ZNF513: variants seen among roughly 807,000 people sequenced by gnomAD.
The protein encoded by ZNF513 is zinc finger protein 513.
Under a neutral mutation model 39.7 loss-of-function variants are expected in ZNF513, and 16 were observed. The observed-to-expected ratio is 0.40, with a 90% CI of 0.27 to 0.61. The LOEUF (loss-of-function observed/expected upper bound fraction) is 0.61, where lower values mean the gene tolerates loss of function less well. Ranked by LOEUF, ZNF513 falls within the 20% of genes least tolerant of loss-of-function variation. The pLI, the probability that ZNF513 is intolerant of heterozygous loss-of-function variation, is 0.39. For synonymous variants in ZNF513, 348 were observed against 296.5 expected, an observed-to-expected ratio of 1.17 and a Z score of -1.79; for missense variants, 699 against 743.6, an observed-to-expected ratio of 0.94 and a Z score of 0.70.
At position 27,378,719 on chromosome 2, in the gene ZNF513, A is replaced by G. The variant is rs794727529; in HGVS notation, c.547T>C (p.Cys183Arg). The G allele has an allele frequency of 6.2e-7, 1 of 1,613,978 alleles. No homozygotes were observed. Among genetic ancestry groups the G allele is most frequent in the African/African-American group, 1.3e-5 (1 of 75,046 alleles). The part of the protein sequence containing the change: ...SGEKPFRCGR[C>R]PYASAQLVNL... ...ACGAGCTGGGCTGAGGCGTAGGGGC[A>G]GCGGCCACAGCGGAACGGCTTCTCT... Residue 183 changes from cysteine (C) to arginine (R), a missense_variant, in exon 3 of 4, where the codon TGC becomes CGC. By Grantham distance (180) the Cys-to-Arg change is radical. This residue lies in a region of ZNF513 where 530 missense variants were observed against 499.3 expected (regional missense o/e 1.06). Transcript: ENST00000323703. The surrounding 1 kb of genome is among the most constrained non-coding windows in gnomAD (Gnocchi z 8.0).
Position 27,380,645 on chromosome 2 carries a change from C to A in ZNF513, c.-119G>T. The A allele has an allele frequency of 7.1e-7, 1 of 1,402,284 alleles. No homozygotes were observed. Among genetic ancestry groups the A allele is most frequent in the East Asian group, 2.9e-5 (1 of 34,430 alleles). The allele number at this position is 1,402,284 out of a possible 1,614,324, so 86.9% of individuals were successfully genotyped here. A position where few individuals can be genotyped will look rare whatever the true frequency, so the allele number is the denominator to read the frequency against. On this transcript the variant is annotated 5_prime_UTR_variant, in exon 1 of 4. Coordinates refer to ENST00000323703, the MANE Select transcript of ZNF513 (RefSeq NM_144631.6). ...CCCGCGGGCCGCCCCCATGCAGCGG[C>A]GCGGGCCCTGGGCAGCCCCCGGCCC...
intron 2 of ZNF513, among the ~76,000 whole-genome samples, chr2:27,379,496 A>G (rs1454078175): frequency 6.6e-6 from 1 of 152,224 alleles, no homozygotes; most frequent in African/African-American, 2.4e-5. Context: ...TTTGGAGGGA[A>G]GTGGAGACAA....
chr2:27,379,629 G>C (rs1227274765), intron 2 of ZNF513, among the ~76,000 whole-genome samples: 2 of 152,146 alleles, frequency 1.3e-5, no homozygotes, highest in Non-Finnish European at 2.9e-5. Flanking sequence ...TTAGGGTAGG[G>C]TGATGCTAAG....
At position 27,377,363 on chromosome 2, in the gene ZNF513, A is replaced by T; in HGVS notation, c.*182T>A. The stretch of plus-strand genomic sequence containing the variant: ...TGGAGGTGAATACAGGGCCCTTCTC[A>T]CTGAGCTCGTGAAGTGCCTCAGTCA... On this transcript the variant is annotated 3_prime_UTR_variant, in exon 4 of 4. Transcript: ENST00000323703. The surrounding 1 kb of genome is among the most constrained non-coding windows in gnomAD (Gnocchi z 4.4). 1 of 730,432 alleles carries T rather than the reference A, an allele frequency of 1.4e-6. No homozygotes were observed. The highest frequency in any genetic ancestry group is 2.4e-6 in the Non-Finnish European group (1 of 411,098). 45.2% of individuals were successfully genotyped at this position (730,432 alleles called of 1,614,324 possible). A position where few individuals can be genotyped will look rare whatever the true frequency, so the allele number is the denominator to read the frequency against.
In ZNF513 at chr2:27,380,206, A is replaced by G; in HGVS notation, c.98T>C (p.Val33Ala). 2 of 1,613,630 alleles carry G rather than the reference A, an allele frequency of 1.2e-6. No homozygotes were observed. Among genetic ancestry groups the G allele is most frequent in the Non-Finnish European group, 1.7e-6 (2 of 1,179,914 alleles). The change falls in exon 2 of 4, where the codon GTA (valine) becomes GCA (alanine). Residue 33 changes from valine to alanine, a missense_variant. Coordinates refer to ENST00000323703, the MANE Select transcript of ZNF513 (RefSeq NM_144631.6). ...GCCTAGTAGCAAATCACTCTCCAAT[A>G]CCAGGGCCCCGGGTCCTTCGTCGAG... ...DSLDEGPGAL[V>A]LESDLLLGQD... is the part of the protein sequence containing the mutation.
rs1683553835 is a variant in ZNF513, at chr2:27,380,107, T to C, written c.197A>G (p.Glu66Gly). 3.7e-6 allele frequency: 6 copies of C among 1,614,090 alleles called. No homozygotes were observed. The highest frequency in any genetic ancestry group is 5.1e-6 in the Non-Finnish European group (6 of 1,179,996). ...CGAAAACCCACCTTCCGAGTCTCTC[T>C]CGAAGCCCATGAGCTGGTCACTGTT... Reference protein sequence around the residue: ...DGNSDQLMGFERDSEGDSLGA... With the variant: ...DGNSDQLMGFGRDSEGDSLGA... The change falls in exon 2 of 4, where the codon GAG becomes GGG. Residue 66 changes from glutamate (E) to glycine (G), a missense_variant. Around this residue, in one of 3 missense-constraint regions of ZNF513, gnomAD observed 530 missense variants for 499.3 expected, o/e 1.06. Coordinates refer to ENST00000323703, the MANE Select transcript of ZNF513 (RefSeq NM_144631.6).
At chr2:27,379,472 T>C (rs1683520637) in intron 2 of ZNF513, among the ~76,000 whole-genome samples, 1 of 152,138 alleles carries the variant, frequency 6.6e-6, no homozygotes, top group African/African-American at 2.4e-5. Context: ...ATAAAACCTA[T>C]CTCTGAGGCA....
rs778806137 is a variant in ZNF513 at position 27,378,460 on chromosome 2, G to A, written c.799+7C>T. 1.9e-6 allele frequency: 3 copies of A among 1,614,058 alleles called. No homozygotes were observed. The highest frequency in any genetic ancestry group is 2.7e-5 in the African/African-American group (2 of 75,080). ...TCCCAAGATCTTTGGTCCCTGGTGT[G>A]TCTTACCTTCAGGTCGCCGGGGCAC... On this transcript the variant is annotated splice_region_variant and intron_variant, in intron 3 of 3. Transcript: ENST00000323703. The surrounding 1 kb of genome is among the most constrained non-coding windows in gnomAD (Gnocchi z 8.0).
Position 27,378,507 on chromosome 2 carries a change from A to T in ZNF513, c.759T>A (p.Ser253Arg), listed in dbSNP as rs779369067. 6.2e-7 allele frequency: 1 copy of T among 1,614,112 alleles called. No homozygotes were observed. Among genetic ancestry groups the T allele is most frequent in the South Asian group, 1.1e-5 (1 of 91,084 alleles). The change falls in exon 3 of 4, where the codon AGT becomes AGA. Residue 253 changes from serine to arginine, a missense_variant. Transcript: ENST00000323703. The surrounding 1 kb of genome is among the most constrained non-coding windows in gnomAD (Gnocchi z 8.0). ...CCTPRPARPP[S>R]PTEQEGAVPR... ...GCACCGCCCCCTCCTGCTCTGTGGG[A>T]CTGGGAGGCCGGGCTGGTCGTGGAG...
At chr2:27,380,365 T>G in intron 1 of ZNF513, 107 bp downstream of exon 1, 6 of 1,596,568 alleles carry the variant, frequency 3.8e-6, no homozygotes, top group Non-Finnish European at 5.1e-6. Flanking sequence ...AAGCTAGGAG[T>G]CTGGATCGCC....
intron 2 of ZNF513, 93 bp downstream of exon 2, chr2:27,380,000 G>A: frequency 6.5e-7 from 1 of 1,530,614 alleles, no homozygotes; most frequent in Non-Finnish European, 9.0e-7. Context: ...CCTCGGTTGT[G>A]GCAGGAAATG....
chr2:27,378,873 C>A lies in ZNF513; in HGVS notation c.393G>T (p.Pro131=), dbSNP rs746879481. Residue 131 remains proline (P), a synonymous_variant, in exon 3 of 4, where the codon CCG becomes CCT. Coordinates refer to ENST00000323703, the MANE Select transcript of ZNF513 (RefSeq NM_144631.6). This position sits in a 1 kb window ranked among gnomAD's most constrained non-coding sequence, Gnocchi z 8.0. ...QLCGGPTGEG[P]CCGAGGPGGG... is the part of the protein sequence containing the mutation. ...CACCCGGCCCTCCTGCCCCACAACACGGCCCCTCACCTGTCGGCCCCCCAC... is the reference window on the plus strand; with the variant it reads ...CACCCGGCCCTCCTGCCCCACAACAAGGCCCCTCACCTGTCGGCCCCCCAC... 6.2e-7 allele frequency: 1 copy of A among 1,603,234 alleles called. No homozygotes were observed. Among genetic ancestry groups the A allele is most frequent in the Non-Finnish European group, 8.5e-7 (1 of 1,175,082 alleles).
intron 2 of ZNF513, among the ~76,000 whole-genome samples, chr2:27,379,804 CAT>C (rs2148414795): frequency 6.6e-6 from 1 of 152,254 alleles, no homozygotes; most frequent in African/African-American, 2.4e-5. Context: ...AGTAAATACA[CAT>C]AAGGAATGGG....
rs141500538 is a variant in ZNF513, at chr2:27,379,202, C to G, written c.212-148G>C. ...GTTCCCTCCTAGGAATCAAGGTCTC[C>G]CCTGCAGTAATTCCAGAAAATTCAA... On this transcript the variant is annotated intron_variant, in intron 2 of 3. Transcript: ENST00000323703. 1,167 of 735,070 alleles carry G rather than the reference C, an allele frequency of 1.6e-3. 6 individuals carry two copies. The African/African-American group carries it at 0.018, about 12-fold the overall frequency. 45.5% of individuals were successfully genotyped at this position (735,070 alleles called of 1,614,324 possible). A position where few individuals can be genotyped will look rare whatever the true frequency, so the allele number is the denominator to read the frequency against.
At position 27,380,188 on chromosome 2, in the gene ZNF513, A is replaced by G; in HGVS notation, c.116T>C (p.Leu39Pro). Residue 39 changes from leucine (L) to proline (P), a missense_variant, in exon 2 of 4, where the codon CTA becomes CCA. This residue lies in a region of ZNF513 where 530 missense variants were observed against 499.3 expected (regional missense o/e 1.06). Transcript: ENST00000323703. ...CTCAAACTCCAGATCCTGGCCTAGT[A>G]GCAAATCACTCTCCAATACCAGGGC... ...PGALVLESDL[L>P]LGQDLEFEEE... The G allele has an allele frequency of 6.2e-7, 1 of 1,613,934 alleles. No homozygotes were observed.
At chr2:27,379,830 CAG>C (rs927668879) in intron 2 of ZNF513, among the ~76,000 whole-genome samples, 56 of 152,282 alleles carry the variant, frequency 3.7e-4, no homozygotes, top group African/African-American at 1.3e-3. Context: ...GGGAGAGAGA[CAG>C]GGCATTTACT....
In ZNF513 at chr2:27,380,480, C is replaced by T; in HGVS notation, c.47G>A (p.Gly16Glu). The T allele has an allele frequency of 6.3e-7, 1 of 1,590,784 alleles. No individual in the cohort carries two copies. Among genetic ancestry groups the T allele is most frequent in the Non-Finnish European group, 8.6e-7 (1 of 1,162,502 alleles). Residue 16 changes from glycine to glutamate, a missense_variant, in exon 1 of 4, where the codon GGG (glycine) becomes GAG (glutamate). Around this residue, in one of 3 missense-constraint regions of ZNF513, gnomAD observed 530 missense variants for 499.3 expected, o/e 1.06. Coordinates refer to ENST00000323703, the MANE Select transcript of ZNF513 (RefSeq NM_144631.6). ...GGCCCCTGACCCCTGACCTTTGACCCCCTCGCATTTCACGGGCTGCGGGTG... is the reference window on the plus strand; with the variant it reads ...GGCCCCTGACCCCTGACCTTTGACCTCCTCGCATTTCACGGGCTGCGGGTG... The part of the protein sequence containing the change: ...QSHPQPVKCE[G>E]VKVDTEDSLD...
At chr2:27,379,143 C>T in intron 2 of ZNF513, 89 bp from the exon 3 acceptor site, 1 of 1,294,500 alleles carries the variant, frequency 7.7e-7, no homozygotes, top group Non-Finnish European at 1.1e-6. Flanking sequence ...TCCCCACTTG[C>T]TTGGCTCCAC....
In ZNF513 at chr2:27,377,484, C is replaced by T. The variant is rs760267256; in HGVS notation, c.*61G>A. 13 of 1,570,520 alleles carry T rather than the reference C, an allele frequency of 8.3e-6. No individual in the cohort carries two copies. The highest frequency in any genetic ancestry group is 2.2e-5 in the East Asian group (1 of 44,664). The stretch of plus-strand genomic sequence containing the variant: ...TAGTCTGTGTGGAGCCCCTGGCCAG[C>T]GGGGGAGAAAAAGGTGGCTTCTGGT... On this transcript the variant is annotated 3_prime_UTR_variant, in exon 4 of 4. Coordinates refer to ENST00000323703, the MANE Select transcript of ZNF513 (RefSeq NM_144631.6). The surrounding 1 kb of genome is among the most constrained non-coding windows in gnomAD (Gnocchi z 4.4).
Sources: gnomAD v4.1 joint callset for allele counts (sites outside exome capture counted in the v4.1 genomes callset) on GRCh38, gnomAD v4.1.1 for gene constraint, gnomAD v4.1.1 regional missense constraint, Gnocchi (gnomAD v3.1) non-coding constraint, MANE v1.5 for transcripts, NCBI Gene and HGNC (gene_info 2026-07-23, HGNC 2026-07-21) for gene names.